CSMD2: variants seen among roughly 807,000 people sequenced by gnomAD.
The protein encoded by CSMD2 is CUB and sushi domain-containing protein 2.
A neutral mutation model predicts 398.5 loss-of-function variants in CSMD2; 130 were observed. That is an observed-to-expected ratio of 0.33 (90% confidence interval 0.28 to 0.38). CSMD2 has a LOEUF of 0.38. Ranked by LOEUF, CSMD2 falls within the 10% of genes least tolerant of loss-of-function variation. The pLI, the probability that CSMD2 is intolerant of heterozygous loss-of-function variation, is 1.00. For missense variants in CSMD2, 3,829 were observed against 4,764.9 expected, an observed-to-expected ratio of 0.80 and a Z score of 5.78; for synonymous variants, 1,828 against 1,908.5, an observed-to-expected ratio of 0.96 and a Z score of 1.10.
intron 1 of CSMD2, among the ~76,000 whole-genome samples, chr1:34,107,772 G>A (rs925773382): frequency 1.3e-5 from 2 of 152,206 alleles, no homozygotes; most frequent in African/African-American, 4.8e-5. Context: ...CTAGGCTTCT[G>A]TCCCATTGCC....
chr1:33,922,458 C>T (rs1258955956), intron 4 of CSMD2, among the ~76,000 whole-genome samples: 13 of 152,154 alleles, frequency 8.5e-5, no homozygotes, highest in African/African-American at 3.1e-4. Context: ...TTAATCTGGC[C>T]TGCACATCCA....
At chr1:34,110,903 AAAAATAAAAT>A (rs1428836664) in intron 1 of CSMD2, among the ~76,000 whole-genome samples, 1 of 152,218 alleles carries the variant, frequency 6.6e-6, no homozygotes, top group Non-Finnish European at 1.5e-5. Context: ...ATAAAAGTTA[AAAAATAAAAT>A]AAAATGAAAT....
At chr1:33,913,327 T>C (rs1375643131) in intron 5 of CSMD2, among the ~76,000 whole-genome samples, 1 of 152,182 alleles carries the variant, frequency 6.6e-6, no homozygotes, top group Non-Finnish European at 1.5e-5. Context: ...CAATTCCCCT[T>C]GAGGCTAGAT....
At chr1:33,753,776 G>C (rs1012679441) in intron 13 of CSMD2, among the ~76,000 whole-genome samples, 2 of 152,252 alleles carry the variant, frequency 1.3e-5, no homozygotes, top group Non-Finnish European at 2.9e-5. Flanking sequence ...GCACCAATGT[G>C]CCCAGGATGT....
intron 41 of CSMD2, among the ~76,000 whole-genome samples, chr1:33,606,905 G>A (rs892093954): frequency 2.0e-5 from 3 of 152,160 alleles, no homozygotes; most frequent in African/African-American, 7.2e-5. Flanking sequence ...AAAGGGAGAG[G>A]TTGGCCATAT....
chr1:34,089,079 T>G lies in CSMD2; in HGVS notation c.302A>C (p.Gln101Pro). The G allele has an allele frequency of 6.2e-7, 1 of 1,614,210 alleles. No homozygotes were observed. Among genetic ancestry groups the G allele is most frequent in the South Asian group, 1.1e-5 (1 of 91,078 alleles). Residue 101 changes from glutamine to proline, a missense_variant, in exon 2 of 71, where the codon CAG becomes CCG. Physicochemically the swap from Gln to Pro is moderately conservative, Grantham distance 76 (BLOSUM62 -1). This residue lies in a region of CSMD2 where 184 missense variants were observed against 217.7 expected (regional missense o/e 0.85). Coordinates refer to ENST00000373381, the MANE Select transcript of CSMD2 (RefSeq NM_001281956.2). ...CTGGAACACAAGCTGGATTCTGTGC[T>G]GCTCTTCCGCGGTGATGGTCCACGT... ...NCTWTITAEE[Q>P]HRIQLVFQSF...
chr1:33,998,155 T>C (rs562247268), intron 3 of CSMD2, among the ~76,000 whole-genome samples: 2 of 152,184 alleles, frequency 1.3e-5, no homozygotes, highest in Admixed American at 6.5e-5. Context: ...TAGGCAAGCA[T>C]GGGAAAGGAA....
Position 33,918,198 on chromosome 1 carries a change from G to A in CSMD2, c.816C>T (p.Ile272=). 1 of 1,614,212 alleles carries A rather than the reference G, an allele frequency of 6.2e-7. No individual in the cohort carries two copies. The highest frequency in any genetic ancestry group is 8.5e-7 in the Non-Finnish European group (1 of 1,180,048). Residue 272 remains isoleucine, a synonymous_variant, in exon 5 of 71, where the codon ATC becomes ATT. Coordinates refer to ENST00000373381, the MANE Select transcript of CSMD2 (RefSeq NM_001281956.2). ...CGATGGTGTCCCCCAGCTCAGCCAG[G>A]ATGGTCCATGTGCAGTCGGCATTGT... ...YHNNADCTWT[I]LAELGDTIAL...
At chr1:33,567,985 T>C in intron 52 of CSMD2, 144 bp from the exon 53 acceptor site, 2 of 970,064 alleles carry the variant, frequency 2.1e-6, no homozygotes, top group South Asian at 3.4e-5. Context: ...GCACCCCAAA[T>C]CCCAAGGTTG....
chr1:34,037,126 A>ATT (rs951311330), intron 2 of CSMD2, among the ~76,000 whole-genome samples: 3 of 152,074 alleles, frequency 2.0e-5, no homozygotes, highest in African/African-American at 7.2e-5. Flanking sequence ...ATTAAATTTA[A>ATT]TAAGTTTTAA....
chr1:33,652,281 A>G, intron 28 of CSMD2, 42 bp downstream of exon 28: 1 of 1,608,374 alleles, frequency 6.2e-7, no homozygotes, highest in South Asian at 1.1e-5. Context: ...GCCCCTAGCC[A>G]CTCTGAACCC....
intron 5 of CSMD2, among the ~76,000 whole-genome samples, chr1:33,852,468 G>A (rs555831474): frequency 6.6e-6 from 1 of 152,324 alleles, no homozygotes; most frequent in East Asian, 1.9e-4. Flanking sequence ...CGTGTCTCCA[G>A]ACCTTTGCAC....
intron 7 of CSMD2, among the ~76,000 whole-genome samples, chr1:33,821,203 G>C (rs1348836233): frequency 6.6e-6 from 1 of 152,208 alleles, no homozygotes; most frequent in Non-Finnish European, 1.5e-5. Context: ...CACCTGTGAT[G>C]GTTCTGGTAG....
At chr1:33,592,158 T>C in intron 44 of CSMD2, 1 of 498,978 alleles carries the variant, frequency 2.0e-6, no homozygotes, top group Non-Finnish European at 3.6e-6. Flanking sequence ...TTCACAAAGG[T>C]AGAGGACGAG....
intron 13 of CSMD2, among the ~76,000 whole-genome samples, chr1:33,748,184 C>G (rs1647648761): frequency 6.6e-6 from 1 of 152,242 alleles, no homozygotes; most frequent in South Asian, 2.1e-4. Flanking sequence ...TGTGCGTTGT[C>G]TTACAAAGAT....
At chr1:33,847,032 G>C (rs778935892) in intron 5 of CSMD2, 36 bp from the exon 6 acceptor site, 2 of 1,421,108 alleles carry the variant, frequency 1.4e-6, no homozygotes, top group Admixed American at 1.7e-5. Flanking sequence ...TCAGGGACCA[G>C]AGCTGAGTGG....
At chr1:33,917,984 T>C in intron 5 of CSMD2, 110 bp downstream of exon 5, 1 of 867,602 alleles carries the variant, frequency 1.2e-6, no homozygotes. Flanking sequence ...TATAAGGAAG[T>C]GGCTAAGAGG....
intron 13 of CSMD2, among the ~76,000 whole-genome samples, chr1:33,747,921 T>C (rs1285782951): frequency 6.6e-6 from 1 of 152,196 alleles, no homozygotes; most frequent in Non-Finnish European, 1.5e-5. Context: ...TGGAGGCAAA[T>C]GTGAACAACA....
chr1:33,798,877 A>G (rs6668169), intron 10 of CSMD2, among the ~76,000 whole-genome samples: 120,763 of 152,046 alleles, frequency 0.79, 48,896 homozygotes, highest in East Asian at 0.96. Flanking sequence ...ACAGGACTCC[A>G]GGTGCTGCCA....
Sources: gnomAD v4.1 joint callset for allele counts (sites outside exome capture counted in the v4.1 genomes callset) on GRCh38, gnomAD v4.1.1 for gene constraint, gnomAD v4.1.1 regional missense constraint, MANE v1.5 for transcripts, NCBI Gene and HGNC (gene_info 2026-07-23, HGNC 2026-07-21) for gene names.